KCNMA1: variants seen among roughly 807,000 people sequenced by gnomAD.
KCNMA1 encodes the protein potassium calcium-activated channel subfamily M alpha 1.
A neutral mutation model predicts 140.0 loss-of-function variants in KCNMA1; 29 were observed. The ratio of observed to expected loss-of-function variants is 0.21; its 90% confidence interval spans 0.15 to 0.28. The LOEUF (loss-of-function observed/expected upper bound fraction) is 0.28, where lower values mean the gene tolerates loss of function less well. Ranked by LOEUF, KCNMA1 falls within the 10% of genes least tolerant of loss-of-function variation. KCNMA1 has a pLI of 1.00. For missense variants in KCNMA1, 880 were observed against 1,602.2 expected (o/e 0.55, Z 7.70); for synonymous variants, 612 against 611.9 (o/e 1.00, Z 0.00).
chr10:77,141,104 C>G (rs547800590), intron 5 of KCNMA1, among the ~76,000 whole-genome samples: 1 of 152,140 alleles, frequency 6.6e-6, no homozygotes, highest in Non-Finnish European at 1.5e-5. Context: ...ACTAACATAA[C>G]CCAAATACGC....
At position 77,637,649 on chromosome 10, in the gene KCNMA1, C is replaced by T; in HGVS notation, c.-7G>A. The T allele has an allele frequency of 4.0e-6, 6 of 1,505,722 alleles. No homozygotes were observed. The highest frequency in any genetic ancestry group is 5.3e-6 in the Non-Finnish European group (6 of 1,133,746). 93.3% of individuals were successfully genotyped at this position (1,505,722 alleles called of 1,614,324 possible). ...CGCCGCCACCATTTGCCATAGCTAGCAACGGGCAGCCGGCGCAGGGGCTCG... is the reference window on the plus strand; with the variant it reads ...CGCCGCCACCATTTGCCATAGCTAGTAACGGGCAGCCGGCGCAGGGGCTCG... On this transcript the variant is annotated 5_prime_UTR_variant, in exon 1 of 28. Transcript: ENST00000286628.
chr10:77,041,750 G>A (rs2094711128), intron 14 of KCNMA1, among the ~76,000 whole-genome samples: 1 of 152,168 alleles, frequency 6.6e-6, no homozygotes, highest in Admixed American at 6.5e-5. Flanking sequence ...CCTTCCAGTG[G>A]GGGCATGGGT....
chr10:77,370,774 G>A (rs1376142765), intron 2 of KCNMA1, among the ~76,000 whole-genome samples: 1 of 152,168 alleles, frequency 6.6e-6, no homozygotes, highest in African/African-American at 2.4e-5. Flanking sequence ...AAAAGACTTG[G>A]CCTTTGAAGT....
chr10:77,479,912 G>T (rs1441097152), intron 1 of KCNMA1, among the ~76,000 whole-genome samples: 1 of 152,204 alleles, frequency 6.6e-6, no homozygotes, highest in Non-Finnish European at 1.5e-5. Context: ...GGATGAGGGG[G>T]TCCTGCTTTA....
chr10:77,560,164 C>T (rs1444314633), intron 1 of KCNMA1, among the ~76,000 whole-genome samples: 1 of 152,158 alleles, frequency 6.6e-6, no homozygotes, highest in Non-Finnish European at 1.5e-5. Flanking sequence ...GCCTGGGTGA[C>T]AGTGCGAGAC....
At chr10:77,408,620 A>C (rs1166778545) in intron 1 of KCNMA1, among the ~76,000 whole-genome samples, 1 of 152,186 alleles carries the variant, frequency 6.6e-6, no homozygotes, top group South Asian at 2.1e-4. Flanking sequence ...CAGCTTCAGG[A>C]GGACAGGCCA....
intron 3 of KCNMA1, among the ~76,000 whole-genome samples, chr10:77,235,526 G>A (rs1053589978): frequency 2.0e-5 from 3 of 152,124 alleles, no homozygotes; most frequent in Admixed American, 2.0e-4. Flanking sequence ...TATGCCCAAG[G>A]TCACTCACCC....
chr10:77,450,810 C>A (rs1265734091), intron 1 of KCNMA1, among the ~76,000 whole-genome samples: 1 of 152,172 alleles, frequency 6.6e-6, no homozygotes, highest in Non-Finnish European at 1.5e-5. Context: ...TGTGTCCCCA[C>A]TCAAATCTCC....
At chr10:77,465,714 G>A (rs996956901) in intron 1 of KCNMA1, among the ~76,000 whole-genome samples, 2 of 152,134 alleles carry the variant, frequency 1.3e-5, no homozygotes, top group Admixed American at 6.5e-5. Context: ...AAAACTGGTC[G>A]AGGGGTAGCC....
chr10:76,980,863 G>A (rs1049646019), intron 19 of KCNMA1, among the ~76,000 whole-genome samples: 21 of 152,190 alleles, frequency 1.4e-4, no homozygotes, highest in African/African-American at 4.8e-4. Context: ...GAGGTTAAGA[G>A]TTAACCACAC....
intron 9 of KCNMA1, among the ~76,000 whole-genome samples, chr10:77,103,476 A>C (rs2097141066): frequency 1.3e-5 from 2 of 152,192 alleles, no homozygotes; most frequent in African/African-American, 4.8e-5. Context: ...CTAACTAAGG[A>C]GTGAAAGGGA....
At chr10:77,091,747 C>T (rs2096823923) in intron 9 of KCNMA1, 1 of 152,202 alleles carries the variant, frequency 6.6e-6, no homozygotes, top group African/African-American at 2.4e-5. Context: ...GCACATTCCA[C>T]TAAGGCAGAA....
chr10:77,434,415 A>G (rs1405347710), intron 1 of KCNMA1, among the ~76,000 whole-genome samples: 1 of 152,126 alleles, frequency 6.6e-6, no homozygotes, highest in Non-Finnish European at 1.5e-5. Context: ...CAGGAAGAAC[A>G]CCATCCCTGA....
At chr10:77,286,891 C>A (rs2071159463) in intron 2 of KCNMA1, among the ~76,000 whole-genome samples, 1 of 152,074 alleles carries the variant, frequency 6.6e-6, no homozygotes, top group African/African-American at 2.4e-5. Flanking sequence ...ATGCCTTTGA[C>A]CCAAATATCA....
intron 5 of KCNMA1, among the ~76,000 whole-genome samples, chr10:77,149,464 T>C (rs957722621): frequency 3.9e-5 from 6 of 152,248 alleles, no homozygotes; most frequent in Non-Finnish European, 8.8e-5. Context: ...CTTCTTTGTG[T>C]TCATATCCCA....
chr10:77,630,492 A>T (rs746648927), intron 1 of KCNMA1, among the ~76,000 whole-genome samples: 34 of 152,086 alleles, frequency 2.2e-4, no homozygotes, highest in Non-Finnish European at 4.3e-4. Flanking sequence ...AGTTTTCGCA[A>T]ATAAGAGCCC....
At chr10:77,312,558 G>A (rs142152188) in intron 2 of KCNMA1, among the ~76,000 whole-genome samples, 9 of 152,200 alleles carry the variant, frequency 5.9e-5, no homozygotes, top group East Asian at 3.8e-4. Context: ...CTTGGGAGAC[G>A]GAGATTGTAG....
chr10:77,412,929 C>G (rs2154478006), intron 1 of KCNMA1, among the ~76,000 whole-genome samples: 2 of 152,238 alleles, frequency 1.3e-5, no homozygotes, highest in African/African-American at 4.8e-5. Context: ...GTGATCTCAG[C>G]TCACTGCAAT....
Position 77,637,740 on chromosome 10 carries a change from T to TGCC in KCNMA1, c.-101_-99dup, listed in dbSNP as rs781056387. On this transcript the variant is annotated 5_prime_UTR_variant, in exon 1 of 28. Transcript: ENST00000286628. ...TCAACAGCCATATTGCTGCTACTGC[T>TGCC]GCCGCCGCCGCCGCCGCCGCGGAGC... The TGCC allele has an allele frequency of 2.3e-3, 2,932 of 1,300,702 alleles. 8 individuals are homozygous for TGCC. The highest frequency in any genetic ancestry group is 5.7e-3 in the African/African-American group (365 of 63,978). The allele number at this position is 1,300,702 out of a possible 1,614,324, so 80.6% of individuals were successfully genotyped here.
Sources: allele counts gnomAD v4.1 joint callset (sites outside exome capture counted in the v4.1 genomes callset), GRCh38; gene constraint gnomAD v4.1.1; transcripts MANE v1.5; gene names NCBI Gene and HGNC (gene_info 2026-07-23, HGNC 2026-07-21).